The following ZC3H12C variants were observed in gnomAD, a reference collection of about 807,000 sequenced individuals.
ZC3H12C encodes the protein zinc finger CCCH-type containing 12C, also known as probable ribonuclease ZC3H12C.
Under a neutral mutation model 76.3 loss-of-function variants are expected in ZC3H12C, and 20 were observed. That is an observed-to-expected ratio of 0.26 (90% confidence interval 0.18 to 0.38). The LOEUF (loss-of-function observed/expected upper bound fraction) is 0.38. ZC3H12C is among the 10% of genes least tolerant of loss of function. The pLI, the probability that ZC3H12C is intolerant of heterozygous loss-of-function variation, is 1.00. For missense variants in ZC3H12C, 874 were observed against 1,086.5 expected (o/e 0.80, Z 2.75); for synonymous variants, 352 against 399.6 (o/e 0.88, Z 1.42).
chr11:110,151,738 A>C (rs559995290), intron 2 of ZC3H12C, among the ~76,000 whole-genome samples: 1 of 151,958 alleles, frequency 6.6e-6, no homozygotes, highest in Non-Finnish European at 1.5e-5. Context: ...ATTTTCTGAA[A>C]CTCTGGTGCA....
rs199586562 is a variant in ZC3H12C, at chr11:110,164,851, A to G, written c.1766A>G (p.Tyr589Cys). Residue 589 changes from tyrosine (Y) to cysteine (C), a missense_variant, in exon 6 of 6, where the codon TAT (tyrosine) becomes TGT (cysteine). Around this residue, in one of 3 missense-constraint regions of ZC3H12C, gnomAD observed 395 missense variants for 434.4 expected, o/e 0.91. Coordinates refer to ENST00000278590, the MANE Select transcript of ZC3H12C (RefSeq NM_033390.2). The surrounding 1 kb of genome is among the most constrained non-coding windows in gnomAD (Gnocchi z 5.7). ...PKCDSPVDIG[Y>C]YSMLNAYSNL... Reference sequence around the variant, plus strand: ...TGTGACTCACCTGTCGACATCGGATATTATTCCATGTTGAATGCATACTCA... The same window carrying G: ...TGTGACTCACCTGTCGACATCGGATGTTATTCCATGTTGAATGCATACTCA... 7.6e-5 allele frequency: 122 copies of G among 1,613,918 alleles called. No homozygotes were observed. The highest frequency in any genetic ancestry group is 3.3e-4 in the Middle Eastern group (2 of 6,084).
At chr11:110,105,365 A>G (rs1332180354) in intron 1 of ZC3H12C, among the ~76,000 whole-genome samples, 1 of 152,220 alleles carries the variant, frequency 6.6e-6, no homozygotes, top group Non-Finnish European at 1.5e-5. Context: ...TTTAGGTTAA[A>G]ATACATTATT....
At chr11:110,130,226 A>G (rs1861836036) in intron 1 of ZC3H12C, among the ~76,000 whole-genome samples, 1 of 152,232 alleles carries the variant, frequency 6.6e-6, no homozygotes. Flanking sequence ...TTGAAGTTAA[A>G]TAATTCTGTC....
At chr11:110,158,535 A>G (rs1862419839) in intron 3 of ZC3H12C, among the ~76,000 whole-genome samples, 1 of 151,478 alleles carries the variant, frequency 6.6e-6, no homozygotes, top group Non-Finnish European at 1.5e-5. Flanking sequence ...CCAACCACAG[A>G]CAAAATGAGC....
In ZC3H12C at chr11:110,140,208, C is replaced by T. The variant is rs191655913; in HGVS notation, c.773+2794C>T. Among the ~76,000 whole-genome samples, 1,398 of 152,046 alleles carry T rather than the reference C, an allele frequency of 9.2e-3. 77 individuals are homozygous for T. Among genetic ancestry groups the T allele is most frequent in the Admixed American group, 0.083 (1,263 of 15,236 alleles). ...GGGAGGCTGAGGTGGGAGGATGGAA[C>T]GAGCCTGGAAGGTGGAGGCTGCAAT... On this transcript the variant is annotated intron_variant, in intron 2 of 5. Transcript: ENST00000278590.
At chr11:110,098,029 A>G (rs941238497) in intron 1 of ZC3H12C, among the ~76,000 whole-genome samples, 3 of 152,222 alleles carry the variant, frequency 2.0e-5, no homozygotes, top group Admixed American at 2.0e-4. Context: ...TACAAAAAAA[A>G]GTTAACTGTA....
chr11:110,145,964 A>C (rs887382783), intron 2 of ZC3H12C, among the ~76,000 whole-genome samples: 1 of 152,128 alleles, frequency 6.6e-6, no homozygotes, highest in Admixed American at 6.5e-5. Flanking sequence ...GTTGAGAGAA[A>C]CCCATAACTT....
chr11:110,158,371 G>C (rs555893470), intron 3 of ZC3H12C, among the ~76,000 whole-genome samples: 2 of 152,144 alleles, frequency 1.3e-5, no homozygotes, highest in South Asian at 4.2e-4. Flanking sequence ...TTAGCCAGGC[G>C]TGGTGACAGG....
chr11:110,101,603 A>T (rs1342463146), intron 1 of ZC3H12C, among the ~76,000 whole-genome samples: 1 of 149,034 alleles, frequency 6.7e-6, no homozygotes, highest in East Asian at 2.0e-4. Flanking sequence ...GCTGGAATGC[A>T]GTGGTGCGAT....
Position 110,152,908 on chromosome 11 carries a change from TA to T in ZC3H12C, c.774-9del. 1 of 1,610,124 alleles carries T rather than the reference TA, an allele frequency of 6.2e-7. No homozygotes were observed. The highest frequency in any genetic ancestry group is 1.1e-5 in the South Asian group (1 of 90,038). On this transcript the variant is annotated splice_polypyrimidine_tract_variant and intron_variant, in intron 2 of 5. Transcript: ENST00000278590. The stretch of plus-strand genomic sequence containing the variant: ...TTGTTGTGTTTTAAGTGTTCCGTAA[TA>T]ATCTTTCAGCCATGGAAACAAAGAA...
chr11:110,115,481 T>G (rs1861509139), intron 1 of ZC3H12C, among the ~76,000 whole-genome samples: 1 of 152,024 alleles, frequency 6.6e-6, no homozygotes, highest in Non-Finnish European at 1.5e-5. Context: ...TTTTATATTT[T>G]TAGTAGAGAT....
chr11:110,143,674 T>C (rs892212927), intron 2 of ZC3H12C, among the ~76,000 whole-genome samples: 2 of 152,142 alleles, frequency 1.3e-5, no homozygotes, highest in Non-Finnish European at 2.9e-5. Context: ...CACACGTATA[T>C]GTATTTGTAT....
At chr11:110,157,468 T>G (rs1203293462) in intron 3 of ZC3H12C, among the ~76,000 whole-genome samples, 3 of 147,272 alleles carry the variant, frequency 2.0e-5, no homozygotes, top group Non-Finnish European at 4.5e-5. Flanking sequence ...AGAGTCTCGC[T>G]CTGTTGCCCA....
At chr11:110,115,212 T>G (rs893701037) in intron 1 of ZC3H12C, among the ~76,000 whole-genome samples, 3 of 152,120 alleles carry the variant, frequency 2.0e-5, no homozygotes, top group Non-Finnish European at 4.4e-5. Flanking sequence ...GCTCAAGCGA[T>G]CCTCCTGCCT....
chr11:110,107,308 T>C (rs1462699862), intron 1 of ZC3H12C, among the ~76,000 whole-genome samples: 1 of 152,208 alleles, frequency 6.6e-6, no homozygotes, highest in Non-Finnish European at 1.5e-5. Flanking sequence ...TCGTTTTTTA[T>C]GTCATATCTA....
rs1469184353 is a variant in ZC3H12C at position 110,093,421 on chromosome 11, G to A, written c.10G>A (p.Gly4Ser). Residue 4 changes from glycine (G) to serine (S), a missense_variant, in exon 1 of 6, where the codon GGC becomes AGC. Coordinates refer to ENST00000278590, the MANE Select transcript of ZC3H12C (RefSeq NM_033390.2). MPG[G>S]GSQEYGVLCI... ...TCTCGCGGGGCTGGCTATGCCGGGTGGCGGCTCCCAGGTTTGTCCTCGGGA... is the reference window on the plus strand; with the variant it reads ...TCTCGCGGGGCTGGCTATGCCGGGTAGCGGCTCCCAGGTTTGTCCTCGGGA... 6 of 1,204,142 alleles carry A rather than the reference G, an allele frequency of 5.0e-6. No homozygotes were observed. The East Asian group carries it at 1.1e-4, about 22-fold the overall frequency. 74.6% of individuals were successfully genotyped at this position (1,204,142 alleles called of 1,614,324 possible).
chr11:110,155,103 C>T (rs1029054764), intron 3 of ZC3H12C, among the ~76,000 whole-genome samples: 1 of 152,100 alleles, frequency 6.6e-6, no homozygotes, highest in Non-Finnish European at 1.5e-5. Flanking sequence ...GCCTGGCCAA[C>T]ATGGTGAAAT....
rs685195 is a variant in ZC3H12C at position 110,164,216 on chromosome 11, A to G, written c.1256-125A>G. 1 allele frequency: 821,463 copies of G among 821,858 alleles called. 410,539 individuals carry two copies. Among genetic ancestry groups the G allele is most frequent in the Middle Eastern group, 1 (2,760 of 2,760 alleles). 50.9% of individuals were successfully genotyped at this position (821,858 alleles called of 1,614,324 possible). A position where few individuals can be genotyped will look rare whatever the true frequency, so the allele number is the denominator to read the frequency against. Reference sequence around the variant, plus strand: ...GACGTTTCTCAAGAGTAAAGAACAGAGTGACACTTAGCACAGCTCCCATTT... The same window carrying G: ...GACGTTTCTCAAGAGTAAAGAACAGGGTGACACTTAGCACAGCTCCCATTT... On this transcript the variant is annotated intron_variant, in intron 5 of 5. Transcript: ENST00000278590. This position sits in a 1 kb window ranked among gnomAD's most constrained non-coding sequence, Gnocchi z 5.7.
At chr11:110,115,002 C>G (rs995638847) in intron 1 of ZC3H12C, among the ~76,000 whole-genome samples, 1 of 152,142 alleles carries the variant, frequency 6.6e-6, no homozygotes, top group Non-Finnish European at 1.5e-5. Context: ...TACTGCTGCT[C>G]TAAATTTGTC....
Sources: allele counts gnomAD v4.1 joint callset (sites outside exome capture counted in the v4.1 genomes callset), GRCh38; gene constraint gnomAD v4.1.1; regional missense constraint gnomAD v4.1.1; non-coding constraint Gnocchi (gnomAD v3.1); transcripts MANE v1.5; gene names NCBI Gene and HGNC (gene_info 2026-07-23, HGNC 2026-07-21).